CACNA2D3: variants seen among roughly 807,000 people sequenced by gnomAD.
CACNA2D3 encodes calcium voltage-gated channel auxiliary subunit alpha2delta 3.
Under a neutral mutation model 160.6 loss-of-function variants are expected in CACNA2D3, and 60 were observed. That is an observed-to-expected ratio of 0.37 (90% CI 0.30 to 0.46). The LOEUF is 0.46. CACNA2D3 is among the 20% of genes least tolerant of loss of function. The pLI is 1.00. For synonymous variants in CACNA2D3, 558 were observed against 492.9 expected (o/e 1.13, Z -1.75); for missense variants, 1,205 against 1,365.0 (o/e 0.88, Z 1.85).
At chr3:54,343,255 A>G (rs1247406217) in intron 3 of CACNA2D3, among the ~76,000 whole-genome samples, 1 of 152,076 alleles carries the variant, frequency 6.6e-6, no homozygotes, top group East Asian at 1.9e-4. Context: ...AGTTGATTCA[A>G]TAAACTTAGA....
At chr3:54,472,830 G>C (rs1392911441) in intron 4 of CACNA2D3, among the ~76,000 whole-genome samples, 2 of 152,062 alleles carry the variant, frequency 1.3e-5, no homozygotes, top group Non-Finnish European at 2.9e-5. Flanking sequence ...GACTTATAAG[G>C]GATATGAAAG....
chr3:54,326,676 G>A (rs943363948), intron 3 of CACNA2D3, among the ~76,000 whole-genome samples: 4 of 152,198 alleles, frequency 2.6e-5, no homozygotes, highest in African/African-American at 7.2e-5. Context: ...AGTCCAAAAT[G>A]TGGAGGTTTT....
At chr3:54,521,747 G>GT (rs1701649464) in intron 5 of CACNA2D3, among the ~76,000 whole-genome samples, 1 of 152,076 alleles carries the variant, frequency 6.6e-6, no homozygotes, top group South Asian at 2.1e-4. Flanking sequence ...TTTGTGTGAG[G>GT]TAAGAGTCCA....
At chr3:54,310,627 A>G (rs1201526917) in intron 2 of CACNA2D3, among the ~76,000 whole-genome samples, 1 of 152,082 alleles carries the variant, frequency 6.6e-6, no homozygotes, top group South Asian at 2.1e-4. Flanking sequence ...GCCCAGAGCA[A>G]CATCGGGAGC....
At chr3:54,374,435 C>T (rs914730049) in intron 3 of CACNA2D3, among the ~76,000 whole-genome samples, 2 of 152,234 alleles carry the variant, frequency 1.3e-5, no homozygotes, top group South Asian at 2.1e-4. Context: ...GCCTCCAGCC[C>T]TACCGTAGAA....
chr3:55,018,442 A>G (rs2107157909), intron 35 of CACNA2D3, 125 bp downstream of exon 35: 2 of 634,110 alleles, frequency 3.2e-6, no homozygotes, highest in Non-Finnish European at 5.8e-6. Flanking sequence ...CCTCTTGCGT[A>G]AGGAAGTATT....
At chr3:54,263,929 A>G (rs1702452333) in intron 2 of CACNA2D3, among the ~76,000 whole-genome samples, 1 of 152,274 alleles carries the variant, frequency 6.6e-6, no homozygotes, top group Non-Finnish European at 1.5e-5. Context: ...TTTAGATGAC[A>G]TTTGTTAAAC....
intron 4 of CACNA2D3, among the ~76,000 whole-genome samples, chr3:54,406,606 A>G (rs959692274): frequency 6.6e-6 from 1 of 152,166 alleles, no homozygotes; most frequent in Admixed American, 6.5e-5. Context: ...ATCTAAAAAA[A>G]CAAAAAGTGG....
chr3:54,270,379 C>T (rs922097447), intron 2 of CACNA2D3, among the ~76,000 whole-genome samples: 16 of 152,304 alleles, frequency 1.1e-4, no homozygotes, highest in African/African-American at 2.4e-4. Context: ...ACCTGCTTTA[C>T]GCATTTGCTT....
chr3:54,926,769 G>A (rs1701033708), intron 27 of CACNA2D3, among the ~76,000 whole-genome samples: 1 of 152,100 alleles, frequency 6.6e-6, no homozygotes, highest in Non-Finnish European at 1.5e-5. Context: ...TAGTTGAACG[G>A]TTGCAGTTTT....
chr3:55,062,208 G>A (rs1037723698), intron 35 of CACNA2D3, among the ~76,000 whole-genome samples: 2 of 151,912 alleles, frequency 1.3e-5, no homozygotes, highest in Non-Finnish European at 2.9e-5. Flanking sequence ...CAGCCTCAAA[G>A]TCCTGGGCTC....
intron 5 of CACNA2D3, among the ~76,000 whole-genome samples, chr3:54,541,532 A>G (rs1041843547): frequency 6.6e-6 from 1 of 152,120 alleles, no homozygotes; most frequent in Non-Finnish European, 1.5e-5. Flanking sequence ...CTCCAGAACT[A>G]AGGAGTAAGT....
At chr3:54,189,969 A>T (rs1700949995) in intron 2 of CACNA2D3, among the ~76,000 whole-genome samples, 1 of 152,228 alleles carries the variant, frequency 6.6e-6, no homozygotes, top group Non-Finnish European at 1.5e-5. Flanking sequence ...CTGCTGTAAC[A>T]AAATGCCACA....
At chr3:54,824,859 T>G (rs1703717783) in intron 14 of CACNA2D3, among the ~76,000 whole-genome samples, 1 of 152,140 alleles carries the variant, frequency 6.6e-6, no homozygotes, top group South Asian at 2.1e-4. Context: ...ACAGACACAT[T>G]TAATAAAGTT....
At chr3:54,625,527 A>G (rs1449442128) in intron 9 of CACNA2D3, among the ~76,000 whole-genome samples, 1 of 152,146 alleles carries the variant, frequency 6.6e-6, no homozygotes, top group Non-Finnish European at 1.5e-5. Context: ...AGGCTTCAAT[A>G]ATGGTGGCTG....
At chr3:54,971,113 A>G (rs1702268516) in intron 29 of CACNA2D3, among the ~76,000 whole-genome samples, 1 of 140,430 alleles carries the variant, frequency 7.1e-6, no homozygotes, top group Non-Finnish European at 1.5e-5. Context: ...TCACAGTATC[A>G]AAAAAAAAAA....
intron 35 of CACNA2D3, among the ~76,000 whole-genome samples, chr3:55,060,800 G>A (rs908400960): frequency 3.3e-5 from 5 of 152,090 alleles, no homozygotes; most frequent in African/African-American, 1.2e-4. Flanking sequence ...AAACTAAAAT[G>A]ATAGCCAAGT....
chr3:54,642,877 C>T (rs1247040099), intron 11 of CACNA2D3, among the ~76,000 whole-genome samples: 1 of 152,126 alleles, frequency 6.6e-6, no homozygotes, highest in African/African-American at 2.4e-5. Context: ...CCTGAGTTCC[C>T]TGGGGAGATC....
chr3:54,873,146 T>G (rs1330633081), intron 18 of CACNA2D3, among the ~76,000 whole-genome samples: 1 of 152,126 alleles, frequency 6.6e-6, no homozygotes, highest in Non-Finnish European at 1.5e-5. Flanking sequence ...CCCCACCTCA[T>G]AGAGCTGTTC....
Sources: allele counts gnomAD v4.1 joint callset (sites outside exome capture counted in the v4.1 genomes callset), GRCh38; gene constraint gnomAD v4.1.1; transcripts MANE v1.5; gene names NCBI Gene and HGNC (gene_info 2026-07-23, HGNC 2026-07-21).